Variants in CPEB3 observed in about 807,000 individuals in gnomAD.
CPEB3 encodes the protein cytoplasmic polyadenylation element-binding protein 3.
In CPEB3, 20 loss-of-function variants were observed where a neutral mutation model predicts 67.2. The observed-to-expected ratio is 0.30, with a 90% confidence interval of 0.21 to 0.43. CPEB3 has a LOEUF of 0.43. Ranked by LOEUF, CPEB3 falls within the 20% of genes least tolerant of loss-of-function variation. CPEB3 has a pLI of 1.00. For synonymous variants in CPEB3, 376 were observed against 393.1 expected (o/e 0.96, Z 0.51); for missense variants, 746 against 968.6 (o/e 0.77, Z 3.05).
chr10:92,238,634 A>G (rs1851657224), intron 2 of CPEB3, among the ~76,000 whole-genome samples: 1 of 152,146 alleles, frequency 6.6e-6, no homozygotes, highest in Non-Finnish European at 1.5e-5. Context: ...CCGAAAAAAA[A>G]AAAAAAAATC....
intron 9 of CPEB3, among the ~76,000 whole-genome samples, chr10:92,053,878 G>T (rs1003887210): frequency 1.3e-5 from 2 of 151,966 alleles, no homozygotes; most frequent in Admixed American, 1.3e-4. Flanking sequence ...TAGAAACGGG[G>T]TTTCACCATG....
chr10:92,091,709 C>A, intron 8 of CPEB3, 121 bp downstream of exon 8: 2 of 584,046 alleles, frequency 3.4e-6, no homozygotes, highest in Non-Finnish European at 6.0e-6. Context: ...AAAATGATGA[C>A]AGCCTTCTTT....
chr10:92,134,324 G>A (rs1845984570), intron 6 of CPEB3, among the ~76,000 whole-genome samples: 1 of 152,050 alleles, frequency 6.6e-6, no homozygotes, highest in East Asian at 1.9e-4. Flanking sequence ...CAAAGTCTCA[G>A]GATACAAAAT....
At chr10:92,182,277 A>G (rs1848493954) in intron 3 of CPEB3, among the ~76,000 whole-genome samples, 1 of 152,258 alleles carries the variant, frequency 6.6e-6, no homozygotes, top group Non-Finnish European at 1.5e-5. Flanking sequence ...ACACAGTTTT[A>G]TATTACATAA....
At chr10:92,276,277 C>CTTT (rs769749643) in intron 1 of CPEB3, among the ~76,000 whole-genome samples, 2 of 108,268 alleles carry the variant, frequency 1.8e-5, no homozygotes, top group South Asian at 2.7e-4. Flanking sequence ...TTTTTCTTTT[C>CTTT]TTTTTTTTTT....
intron 2 of CPEB3, among the ~76,000 whole-genome samples, chr10:92,229,619 A>C (rs572757332): frequency 1.3e-5 from 2 of 152,370 alleles, no homozygotes; most frequent in East Asian, 3.9e-4. Context: ...ATATGAAGTC[A>C]CAGGCCAGAA....
At chr10:92,083,273 C>T (rs1372013446) in intron 8 of CPEB3, among the ~76,000 whole-genome samples, 1 of 152,172 alleles carries the variant, frequency 6.6e-6, no homozygotes, top group Non-Finnish European at 1.5e-5. Flanking sequence ...CTATTAAAGA[C>T]AGAGCAGCAA....
intron 2 of CPEB3, among the ~76,000 whole-genome samples, chr10:92,216,104 C>A (rs1850372249): frequency 6.8e-6 from 1 of 146,270 alleles, no homozygotes; most frequent in South Asian, 2.2e-4. Context: ...TCCTATGAAA[C>A]CTGAACTAGA....
intron 4 of CPEB3, among the ~76,000 whole-genome samples, chr10:92,157,279 A>C (rs1847252222): frequency 6.6e-6 from 1 of 152,224 alleles, no homozygotes; most frequent in African/African-American, 2.4e-5. Flanking sequence ...ACAGATGAGC[A>C]TACCAAATCT....
At chr10:92,067,133 A>G (rs1316776582) in intron 9 of CPEB3, among the ~76,000 whole-genome samples, 1 of 151,596 alleles carries the variant, frequency 6.6e-6, no homozygotes, top group Non-Finnish European at 1.5e-5. Flanking sequence ...ACTAAAAATA[A>G]TAAATAAATT....
At chr10:92,141,282 CATGGAATACT>C (rs1323442264) in intron 6 of CPEB3, among the ~76,000 whole-genome samples, 1 of 151,146 alleles carries the variant, frequency 6.6e-6, no homozygotes, top group Non-Finnish European at 1.5e-5. Flanking sequence ...ACATATACAC[CATGGAATACT>C]ATGCAGCCAT....
chr10:92,260,047 T>C (rs1852722848), intron 1 of CPEB3, among the ~76,000 whole-genome samples: 1 of 152,188 alleles, frequency 6.6e-6, no homozygotes, highest in Admixed American at 6.5e-5. Flanking sequence ...AGCAAGTCCT[T>C]TTGTCCTACT....
chr10:92,157,433 T>TA (rs1847258974), intron 4 of CPEB3, among the ~76,000 whole-genome samples: 1 of 152,222 alleles, frequency 6.6e-6, no homozygotes, highest in African/African-American at 2.4e-5. Flanking sequence ...GTTACAGCAT[T>TA]ACACAAATGA....
intron 2 of CPEB3, among the ~76,000 whole-genome samples, chr10:92,193,572 C>CT (rs1849085855): frequency 6.6e-6 from 1 of 151,980 alleles, no homozygotes; most frequent in South Asian, 2.1e-4. Context: ...ATCCTCCCAC[C>CT]TCAGCCTCCC....
intron 1 of CPEB3, among the ~76,000 whole-genome samples, chr10:92,269,863 T>C (rs1853227045): frequency 6.6e-6 from 1 of 152,164 alleles, no homozygotes; most frequent in Admixed American, 6.5e-5. Context: ...CAGCCAAACC[T>C]GAGTTATTTT....
chr10:92,263,870 C>T (rs1265569775), intron 1 of CPEB3, among the ~76,000 whole-genome samples: 1 of 152,020 alleles, frequency 6.6e-6, no homozygotes, highest in Non-Finnish European at 1.5e-5. Flanking sequence ...AGAGAATTTC[C>T]TCATCATCTG....
At chr10:92,099,213 G>A (rs914741523) in intron 7 of CPEB3, among the ~76,000 whole-genome samples, 12 of 125,838 alleles carry the variant, frequency 9.5e-5, no homozygotes, top group Middle Eastern at 8.1e-3. Context: ...TGCAATATGG[G>A]TCTTTTCGTC....
At chr10:92,093,783 C>T (rs768210880) in intron 7 of CPEB3, among the ~76,000 whole-genome samples, 13 of 151,986 alleles carry the variant, frequency 8.6e-5, no homozygotes, top group Non-Finnish European at 1.3e-4. Context: ...ATGATAGGCA[C>T]GAGCCACCGC....
chr10:92,209,349 A>C (rs1433447402), intron 2 of CPEB3, among the ~76,000 whole-genome samples: 1 of 152,066 alleles, frequency 6.6e-6, no homozygotes. Flanking sequence ...ACATGGTGAA[A>C]CTCCATTTCT....
Sources: gnomAD v4.1 joint callset for allele counts (sites outside exome capture counted in the v4.1 genomes callset) on GRCh38, gnomAD v4.1.1 for gene constraint, MANE v1.5 for transcripts, NCBI Gene and HGNC (gene_info 2026-07-23, HGNC 2026-07-21) for gene names.